The following CNIH2 variants were observed in gnomAD, a reference collection of about 807,000 sequenced individuals.
CNIH2 encodes the protein protein cornichon homolog 2.
CNIH2 carries 8 observed loss-of-function variants against 22.9 expected under a neutral mutation model. The observed-to-expected ratio is 0.35, with a 90% CI of 0.20 to 0.63. The LOEUF (loss-of-function observed/expected upper bound fraction) is 0.63. CNIH2 is among the 30% of genes least tolerant of loss of function. The pLI is 0.72. For synonymous variants in CNIH2, 74 were observed against 78.2 expected, an observed-to-expected ratio of 0.95 and a Z score of 0.28; for missense variants, 105 against 206.2, an observed-to-expected ratio of 0.51 and a Z score of 3.01.
At chr11:66,282,355 T>A in intron 2 of CNIH2, 28 bp downstream of exon 2, 1 of 1,448,772 alleles carries the variant, frequency 6.9e-7, no homozygotes, top group Non-Finnish European at 9.3e-7. Context: ...TGTGCCGAGG[T>A]GTGTCCGTCC....
At chr11:66,279,944 G>A (rs1857234701) in intron 1 of CNIH2, among the ~76,000 whole-genome samples, 1 of 152,194 alleles carries the variant, frequency 6.6e-6, no homozygotes, top group South Asian at 2.1e-4. Flanking sequence ...TGTGGGGTAG[G>A]GGCAGGAGGG....
rs946117250 is a variant in CNIH2 at position 66,284,089 on chromosome 11, C to T, written c.*492C>T. On this transcript the variant is annotated 3_prime_UTR_variant, in exon 6 of 6. Coordinates refer to ENST00000311445, the MANE Select transcript of CNIH2 (RefSeq NM_182553.3). ...CAGGCTCTTTCTCCAGCCCTGTCTCCATCTGCCCCAACCTCAGCCCACCTT... is the reference window on the plus strand; with the variant it reads ...CAGGCTCTTTCTCCAGCCCTGTCTCTATCTGCCCCAACCTCAGCCCACCTT... 2.2e-5 allele frequency: 4 copies of T among 180,368 alleles called. No homozygotes were observed. The highest frequency in any genetic ancestry group is 9.5e-5 in the African/African-American group (4 of 41,906). 11.2% of individuals were successfully genotyped at this position (180,368 alleles called of 1,614,324 possible). A position where few individuals can be genotyped will look rare whatever the true frequency, so the allele number is the denominator to read the frequency against.
chr11:66,283,730 A>C lies in CNIH2; in HGVS notation c.*133A>C. The C allele has an allele frequency of 2.0e-6, 2 of 988,098 alleles. No homozygotes were observed. Among genetic ancestry groups the C allele is most frequent in the Non-Finnish European group, 3.0e-6 (2 of 674,126 alleles). 61.2% of individuals were successfully genotyped at this position (988,098 alleles called of 1,614,324 possible). A position where few individuals can be genotyped will look rare whatever the true frequency, so the allele number is the denominator to read the frequency against. ...GGTGCCCCCAGCCTCTCCAACCCCC[A>C]AACTGCTGCTGCGGGGAACCCCCCC... is the stretch of plus-strand genomic sequence containing the variant. On this transcript the variant is annotated 3_prime_UTR_variant, in exon 6 of 6. Transcript: ENST00000311445.
chr11:66,282,418 T>TGGGGGGG, intron 2 of CNIH2, 91 bp downstream of exon 2: 2 of 161,814 alleles, frequency 1.2e-5, no homozygotes, highest in East Asian at 1.1e-4. Context: ...AAGACGGGGG[T>TGGGGGGG]GGGGTGGGGG....
At chr11:66,281,570 TTAAAG>T in intron 1 of CNIH2, 1 of 437,544 alleles carries the variant, frequency 2.3e-6, no homozygotes, top group East Asian at 7.1e-5. Flanking sequence ...AATTTTTGTG[TTAAAG>T]TAAGTCCAAA....
At chr11:66,282,709 G>A (rs758803428) in intron 2 of CNIH2, 24 bp from the exon 3 acceptor site, 1 of 1,613,474 alleles carries the variant, frequency 6.2e-7, no homozygotes, top group Admixed American at 1.7e-5. Flanking sequence ...CCACCCCATC[G>A]CGGCCTTTTC....
chr11:66,282,504 C>T (rs911886688), intron 2 of CNIH2, 177 bp downstream of exon 2: 1 of 900,072 alleles, frequency 1.1e-6, no homozygotes, highest in Non-Finnish European at 1.7e-6. Flanking sequence ...CTGAGTTCCT[C>T]TTGGCGGGGC....
chr11:66,283,953 C>A lies in CNIH2; in HGVS notation c.*356C>A. On this transcript the variant is annotated 3_prime_UTR_variant, in exon 6 of 6. Coordinates refer to ENST00000311445, the MANE Select transcript of CNIH2 (RefSeq NM_182553.3). ...GACCCTGGAAATTCTGGGCCATCCC[C>A]CTCCACCCCCACCCTGAGGCTCCCC... is the stretch of plus-strand genomic sequence containing the variant. 1 of 258,160 alleles carries A rather than the reference C, an allele frequency of 3.9e-6. No homozygotes were observed. The highest frequency in any genetic ancestry group is 7.6e-6 in the Non-Finnish European group (1 of 131,498). 16.0% of individuals were successfully genotyped at this position (258,160 alleles called of 1,614,324 possible). A position where few individuals can be genotyped will look rare whatever the true frequency, so the allele number is the denominator to read the frequency against.
Position 66,283,678 on chromosome 11 carries a change from C to A in CNIH2, c.*81C>A. ...AGCCCTGCCCCTTGGCCGCAGAGGCCTCAGCCCTGGGGAGGGAGGGGGCAC... is the reference window on the plus strand; with the variant it reads ...AGCCCTGCCCCTTGGCCGCAGAGGCATCAGCCCTGGGGAGGGAGGGGGCAC... On this transcript the variant is annotated 3_prime_UTR_variant, in exon 6 of 6. Transcript: ENST00000311445. The A allele has an allele frequency of 6.7e-7, 1 of 1,497,112 alleles. No homozygotes were observed. Among genetic ancestry groups the A allele is most frequent in the South Asian group, 1.2e-5 (1 of 81,866 alleles). The allele number at this position is 1,497,112 out of a possible 1,614,324, so 92.7% of individuals were successfully genotyped here.
chr11:66,282,423 T>TTTGGGGGGGGGGGGGGG, intron 2 of CNIH2, 96 bp downstream of exon 2: 6 of 147,056 alleles, frequency 4.1e-5, no homozygotes, highest in East Asian at 1.1e-4. Flanking sequence ...GGGGGTGGGG[T>TTTGGGGGGGGGGGGGGG]GGGGGGCCTA....
intron 1 of CNIH2, 125 bp downstream of exon 1, chr11:66,278,662 T>C: frequency 1.7e-6 from 1 of 603,238 alleles, no homozygotes; most frequent in Non-Finnish European, 2.3e-6. Context: ...GCCGTCGGCT[T>C]GTCGGCTTCG....
At position 66,278,387 on chromosome 11, in the gene CNIH2, G is replaced by GC. The variant is rs1174587731; in HGVS notation, c.-68dup. On this transcript the variant is annotated 5_prime_UTR_variant, in exon 1 of 6. Transcript: ENST00000311445. ...CATGCCCGGCCGGCCCTAAGCGCGGGCCGGGGGGCGTCCCCTTGCGCCCGG... is the reference window on the plus strand; with the variant it reads ...CATGCCCGGCCGGCCCTAAGCGCGGGCCCGGGGGGCGTCCCCTTGCGCCCGG... The GC allele has an allele frequency of 5.2e-6, 3 of 575,456 alleles. No individual in the cohort carries two copies. The highest frequency in any genetic ancestry group is 6.6e-6 in the Non-Finnish European group (3 of 452,694). 35.6% of individuals were successfully genotyped at this position (575,456 alleles called of 1,614,324 possible). A position where few individuals can be genotyped will look rare whatever the true frequency, so the allele number is the denominator to read the frequency against.
At chr11:66,281,959 C>A (rs867071583) in intron 1 of CNIH2, among the ~76,000 whole-genome samples, 1 of 152,100 alleles carries the variant, frequency 6.6e-6, no homozygotes, top group Non-Finnish European at 1.5e-5. Flanking sequence ...CCTCTGGAGC[C>A]CCAGTGCTCA....
At chr11:66,282,351 G>T (rs1305667466) in intron 2 of CNIH2, 24 bp downstream of exon 2, 1 of 1,611,222 alleles carries the variant, frequency 6.2e-7, no homozygotes, top group Non-Finnish European at 8.5e-7. Flanking sequence ...GTGCTGTGCC[G>T]AGGTGTGTCC....
chr11:66,279,494 C>T (rs1484906874), intron 1 of CNIH2, among the ~76,000 whole-genome samples: 1 of 151,516 alleles, frequency 6.6e-6, no homozygotes, highest in Non-Finnish European at 1.5e-5. Flanking sequence ...GCCTGCCCAG[C>T]TCGGCCCTGG....
rs892408932 is a variant in CNIH2 at position 66,278,579 on chromosome 11, G to T, written c.81+42G>T. 5 of 385,434 alleles carry T rather than the reference G, an allele frequency of 1.3e-5. 1 individual carries two copies. The highest frequency in any genetic ancestry group is 1.1e-4 in the South Asian group (5 of 47,258). 23.9% of individuals were successfully genotyped at this position (385,434 alleles called of 1,614,324 possible). ...GCTGGGGCTGGGGGCGGGGTGGGGG[G>T]CAGGGGCCACGCGGAGCTGGAGGGA... On this transcript the variant is annotated intron_variant, in intron 1 of 5. Transcript: ENST00000311445.
chr11:66,283,026 C>A lies in CNIH2; in HGVS notation c.199-9C>A, dbSNP rs572293797. 23 of 1,610,756 alleles carry A rather than the reference C, an allele frequency of 1.4e-5. No homozygotes were observed. Among genetic ancestry groups the A allele is most frequent in the Non-Finnish European group, 1.9e-5 (22 of 1,177,178 alleles). On this transcript the variant is annotated splice_polypyrimidine_tract_variant and intron_variant, in intron 3 of 5. Transcript: ENST00000311445. The stretch of plus-strand genomic sequence containing the variant: ...CCAGGCCGCTGACCTCTCACCCTCA[C>A]TCCCCCAGCTGGTGGTCCCAGAATA...
Position 66,283,028 on chromosome 11 carries a change from C to T in CNIH2, c.199-7C>T, listed in dbSNP as rs762520972. 1.2e-6 allele frequency: 2 copies of T among 1,611,132 alleles called. No homozygotes were observed. Among genetic ancestry groups the T allele is most frequent in the Non-Finnish European group, 1.7e-6 (2 of 1,177,422 alleles). ...AGGCCGCTGACCTCTCACCCTCACT[C>T]CCCCAGCTGGTGGTCCCAGAATACT... On this transcript the variant is annotated splice_region_variant and splice_polypyrimidine_tract_variant and intron_variant, in intron 3 of 5. Coordinates refer to ENST00000311445, the MANE Select transcript of CNIH2 (RefSeq NM_182553.3).
rs374309686 is a variant in CNIH2 at position 66,283,726 on chromosome 11, C to T, written c.*129C>T. 102 of 1,023,340 alleles carry T rather than the reference C, an allele frequency of 1.0e-4. No homozygotes were observed. The East Asian group carries it at 2.6e-3, about 26-fold the overall frequency. 63.4% of individuals were successfully genotyped at this position (1,023,340 alleles called of 1,614,324 possible). On this transcript the variant is annotated 3_prime_UTR_variant, in exon 6 of 6. Transcript: ENST00000311445. ...CACTGGTGCCCCCAGCCTCTCCAAC[C>T]CCCAAACTGCTGCTGCGGGGAACCC...
Sources: gnomAD v4.1 joint callset for allele counts (sites outside exome capture counted in the v4.1 genomes callset) on GRCh38, gnomAD v4.1.1 for gene constraint, MANE v1.5 for transcripts, NCBI Gene and HGNC (gene_info 2026-07-23, HGNC 2026-07-21) for gene names.